The following ZBTB7C variants were observed in gnomAD, a reference collection of about 807,000 sequenced individuals.
ZBTB7C encodes the protein zinc finger and BTB domain containing 7C, also known as zinc finger and BTB domain-containing protein 7C.
A neutral mutation model predicts 25.7 loss-of-function variants in ZBTB7C; 8 were observed. The ratio of observed to expected loss-of-function variants is 0.31; its 90% CI spans 0.18 to 0.56. The LOEUF (loss-of-function observed/expected upper bound fraction) is 0.56, where lower values mean the gene tolerates loss of function less well. Among genes scored for constraint, ZBTB7C ranks in the 20% least tolerant of loss-of-function variants. ZBTB7C has a pLI of 0.91. For synonymous variants in ZBTB7C, 394 were observed against 369.0 expected (o/e 1.07, Z -0.78); for missense variants, 824 against 855.2 (o/e 0.96, Z 0.46).
intron 3 of ZBTB7C, among the ~76,000 whole-genome samples, chr18:48,105,677 C>T (rs1421537398): frequency 6.6e-6 from 1 of 152,042 alleles, no homozygotes. Context: ...AACTAAGTCT[C>T]AAAAACAAAA....
chr18:48,127,289 A>T (rs2039833927), intron 3 of ZBTB7C, among the ~76,000 whole-genome samples: 1 of 152,168 alleles, frequency 6.6e-6, no homozygotes, highest in Admixed American at 6.5e-5. Context: ...CCCAGCTCAG[A>T]GCACCTCCCT....
chr18:48,298,428 G>A (rs1180235237), intron 2 of ZBTB7C, among the ~76,000 whole-genome samples: 3 of 152,140 alleles, frequency 2.0e-5, no homozygotes, highest in South Asian at 2.1e-4. Context: ...CTGGGCTCTG[G>A]AGGCCATCTA....
At chr18:48,382,827 A>T (rs1350886870) in intron 1 of ZBTB7C, among the ~76,000 whole-genome samples, 1 of 152,262 alleles carries the variant, frequency 6.6e-6, no homozygotes, top group African/African-American at 2.4e-5. Context: ...AGAGCTTAGA[A>T]GTAAAAAACT....
At chr18:48,134,434 G>A in intron 3 of ZBTB7C, among the ~76,000 whole-genome samples, 1 of 151,644 alleles carries the variant, frequency 6.6e-6, no homozygotes, top group South Asian at 2.1e-4. Flanking sequence ...TCAGGAAATG[G>A]CATTGTAAGT....
chr18:48,137,707 C>T (rs1463294665), intron 3 of ZBTB7C, among the ~76,000 whole-genome samples: 9 of 152,246 alleles, frequency 5.9e-5, no homozygotes, highest in Non-Finnish European at 8.8e-5. Flanking sequence ...CTCCCTCCTC[C>T]GTTGGAGATC....
intron 3 of ZBTB7C, among the ~76,000 whole-genome samples, chr18:48,183,568 A>T (rs1361898021): frequency 6.6e-6 from 1 of 152,248 alleles, no homozygotes; most frequent in Non-Finnish European, 1.5e-5. Context: ...ACTGCAATGA[A>T]AATTACTGCC....
At position 48,107,761 on chromosome 18, in the gene ZBTB7C, C is replaced by T. The variant is rs570275966; in HGVS notation, c.-16-66638G>A. Among the ~76,000 whole-genome samples, 7 of 152,216 alleles carry T rather than the reference C, an allele frequency of 4.6e-5. No individual in the cohort carries two copies. In the South Asian group the frequency reaches 1.5e-3, roughly 32 times the overall value. On this transcript the variant is annotated intron_variant, in intron 3 of 4. Coordinates refer to ENST00000590800, the MANE Select transcript of ZBTB7C (RefSeq NM_001318841.2). ...GGGGTCAAATAACAATCTGGGGTCA[C>T]CCCTGGAGCTCAGGCACGAGCTTGT... is the stretch of plus-strand genomic sequence containing the variant.
intron 3 of ZBTB7C, among the ~76,000 whole-genome samples, chr18:48,159,347 T>C (rs1014645646): frequency 2.2e-4 from 34 of 152,296 alleles, no homozygotes; most frequent in African/African-American, 6.3e-4. Context: ...TCCTACCTCA[T>C]AGGGATCTTA....
At chr18:48,241,787 C>T (rs966590526) in intron 2 of ZBTB7C, among the ~76,000 whole-genome samples, 1 of 152,016 alleles carries the variant, frequency 6.6e-6, no homozygotes, top group Non-Finnish European at 1.5e-5. Context: ...TAAAGTCACA[C>T]CTCAAGGAAC....
intron 2 of ZBTB7C, among the ~76,000 whole-genome samples, chr18:48,202,342 C>T (rs970777080): frequency 3.3e-5 from 5 of 151,786 alleles, no homozygotes; most frequent in South Asian, 2.1e-4. Context: ...CAAGAGGTCG[C>T]GAGGGATTAG....
intron 1 of ZBTB7C, among the ~76,000 whole-genome samples, chr18:48,382,004 A>G (rs778366121): frequency 1.3e-5 from 2 of 152,250 alleles, no homozygotes; most frequent in Admixed American, 6.5e-5. Flanking sequence ...TAACTACGGA[A>G]AAGGCTTGTT....
intron 3 of ZBTB7C, among the ~76,000 whole-genome samples, chr18:48,079,803 T>G (rs2037912663): frequency 6.6e-6 from 1 of 152,212 alleles, no homozygotes; most frequent in South Asian, 2.1e-4. Flanking sequence ...AGGACCTGCT[T>G]CCTGGGAGGC....
intron 1 of ZBTB7C, among the ~76,000 whole-genome samples, chr18:48,383,789 C>T (rs886351391): frequency 2.0e-5 from 3 of 152,042 alleles, no homozygotes; most frequent in African/African-American, 7.2e-5. Flanking sequence ...TGGAAGGGAG[C>T]TCTGGAAGCC....
intron 3 of ZBTB7C, among the ~76,000 whole-genome samples, chr18:48,067,949 C>A (rs1293442781): frequency 6.6e-6 from 1 of 152,102 alleles, no homozygotes; most frequent in Admixed American, 6.5e-5. Flanking sequence ...TGCAGTGAGC[C>A]AAGATTGCAC....
intron 3 of ZBTB7C, among the ~76,000 whole-genome samples, chr18:48,044,891 A>G (rs1249664214): frequency 3.9e-5 from 6 of 152,282 alleles, no homozygotes; most frequent in Non-Finnish European, 7.4e-5. Flanking sequence ...CATCGTTCCC[A>G]TTTTACAGAT....
chr18:48,122,400 T>C (rs921011755), intron 3 of ZBTB7C, among the ~76,000 whole-genome samples: 39 of 152,214 alleles, frequency 2.6e-4, no homozygotes, highest in African/African-American at 9.4e-4. Context: ...CTTTATTTTA[T>C]AGGCACACAG....
intron 3 of ZBTB7C, among the ~76,000 whole-genome samples, chr18:48,079,779 A>G (rs1440757012): frequency 3.9e-5 from 6 of 152,214 alleles, no homozygotes; most frequent in Non-Finnish European, 7.4e-5. Context: ...TTCGTGGGGT[A>G]TGATGTAGCC....
At chr18:48,332,020 G>A (rs1367634361) in intron 2 of ZBTB7C, among the ~76,000 whole-genome samples, 3 of 152,094 alleles carry the variant, frequency 2.0e-5, no homozygotes, top group Non-Finnish European at 2.9e-5. Context: ...CACTGTCACA[G>A]CATTACACAT....
At chr18:48,228,429 G>A (rs527485709) in intron 2 of ZBTB7C, among the ~76,000 whole-genome samples, 2 of 152,286 alleles carry the variant, frequency 1.3e-5, no homozygotes, top group East Asian at 3.9e-4. Flanking sequence ...CTTGCTATGA[G>A]AGAAGGTTAT....
Sources: gnomAD v4.1 joint callset for allele counts (sites outside exome capture counted in the v4.1 genomes callset) on GRCh38, gnomAD v4.1.1 for gene constraint, MANE v1.5 for transcripts, NCBI Gene and HGNC (gene_info 2026-07-23, HGNC 2026-07-21) for gene names.